AP3S1: variants seen among roughly 807,000 people sequenced by gnomAD.
AP3S1 encodes the protein AP-3 complex subunit sigma-1.
AP3S1 carries 12 observed loss-of-function variants against 21.3 expected under a neutral mutation model. The observed-to-expected ratio is 0.56, with a 90% confidence interval of 0.36 to 0.91. The LOEUF is 0.91. Among genes scored for constraint, AP3S1 ranks in the 40% least tolerant of loss-of-function variants. The pLI is 0.01. For synonymous variants in AP3S1, 48 were observed against 78.4 expected (o/e 0.61, Z 2.05); for missense variants, 116 against 225.0 (o/e 0.52, Z 3.10).
At chr5:115,853,640 T>C (rs1762601203) in intron 1 of AP3S1, among the ~76,000 whole-genome samples, 1 of 152,178 alleles carries the variant, frequency 6.6e-6, no homozygotes, top group African/African-American at 2.4e-5. Context: ...GTTTTGTGTA[T>C]GGTGTGAGGT....
intron 3 of AP3S1, among the ~76,000 whole-genome samples, chr5:115,877,336 T>C (rs897011392): frequency 4.6e-5 from 7 of 152,174 alleles, no homozygotes; most frequent in Admixed American, 1.3e-4. Flanking sequence ...TATCTTCTAA[T>C]GCTATCCCTC....
chr5:115,883,622 A>G (rs1244582627), intron 3 of AP3S1, among the ~76,000 whole-genome samples: 2 of 151,948 alleles, frequency 1.3e-5, no homozygotes, highest in African/African-American at 4.8e-5. Context: ...TCTCGCTGGG[A>G]GCTGCAGACT....
chr5:115,854,273 CA>C (rs1359663323), intron 1 of AP3S1, among the ~76,000 whole-genome samples: 38 of 152,224 alleles, frequency 2.5e-4, no homozygotes, highest in African/African-American at 9.1e-4. Context: ...ACATTCAAAC[CA>C]AAGCAGAATG....
chr5:115,854,254 T>C (rs903518723), intron 1 of AP3S1, among the ~76,000 whole-genome samples: 3 of 152,148 alleles, frequency 2.0e-5, no homozygotes, highest in African/African-American at 7.2e-5. Flanking sequence ...CACATGAACT[T>C]TGGGGGAGAC....
intron 5 of AP3S1, among the ~76,000 whole-genome samples, chr5:115,911,906 T>C (rs1389096868): frequency 1.3e-5 from 2 of 151,974 alleles, no homozygotes; most frequent in Non-Finnish European, 2.9e-5. Context: ...ATAAAACTTC[T>C]CCAGCCCTAT....
intron 1 of AP3S1, among the ~76,000 whole-genome samples, chr5:115,851,208 C>T (rs1218831900): frequency 1.3e-5 from 2 of 152,158 alleles, no homozygotes; most frequent in Non-Finnish European, 2.9e-5. Flanking sequence ...TTCTTGATGC[C>T]GTATTTTGTT....
intron 5 of AP3S1, among the ~76,000 whole-genome samples, chr5:115,907,567 A>T (rs542422819): frequency 1.3e-5 from 2 of 152,306 alleles, no homozygotes; most frequent in Admixed American, 1.3e-4. Flanking sequence ...GAATTACCAA[A>T]TTACCAAATC....
intron 3 of AP3S1, among the ~76,000 whole-genome samples, chr5:115,877,003 T>G (rs758022406): frequency 1.4e-4 from 21 of 152,164 alleles, no homozygotes; most frequent in Non-Finnish European, 2.6e-4. Context: ...ATGGGGAATA[T>G]TTGAGACTAT....
chr5:115,892,695 G>A (rs1013012609), intron 3 of AP3S1, among the ~76,000 whole-genome samples: 1 of 152,148 alleles, frequency 6.6e-6, no homozygotes, highest in Non-Finnish European at 1.5e-5. Flanking sequence ...GAAGATGGTT[G>A]TGGAGATGGT....
intron 1 of AP3S1, among the ~76,000 whole-genome samples, chr5:115,859,020 A>C (rs10050876): frequency 0.43 from 65,988 of 151,786 alleles, 14,667 homozygotes; most frequent in African/African-American, 0.5. Flanking sequence ...TAGGTATACA[A>C]GTGCCATGGT....
At chr5:115,845,178 G>A (rs2112760870) in intron 1 of AP3S1, among the ~76,000 whole-genome samples, 1 of 152,216 alleles carries the variant, frequency 6.6e-6, no homozygotes, top group East Asian at 1.9e-4. Context: ...TAAAAATATT[G>A]AGTTTAATTT....
intron 1 of AP3S1, among the ~76,000 whole-genome samples, chr5:115,848,751 G>T (rs1275738398): frequency 6.6e-6 from 1 of 152,122 alleles, no homozygotes; most frequent in Non-Finnish European, 1.5e-5. Flanking sequence ...CCAACTTCTT[G>T]TTGTATAAAA....
intron 3 of AP3S1, among the ~76,000 whole-genome samples, chr5:115,876,110 A>C (rs1445480196): frequency 6.6e-6 from 1 of 152,188 alleles, no homozygotes; most frequent in Non-Finnish European, 1.5e-5. Flanking sequence ...TGGCTCTGTC[A>C]CATAACAGTT....
At chr5:115,897,370 T>G (rs1056024005) in intron 4 of AP3S1, among the ~76,000 whole-genome samples, 3 of 152,166 alleles carry the variant, frequency 2.0e-5, no homozygotes, top group African/African-American at 7.2e-5. Flanking sequence ...GAGACAAAAG[T>G]TTTAGGATAC....
chr5:115,888,191 A>G (rs542122305), intron 3 of AP3S1, among the ~76,000 whole-genome samples: 4 of 152,082 alleles, frequency 2.6e-5, no homozygotes, highest in Non-Finnish European at 5.9e-5. Context: ...TAAACTTTAT[A>G]TCATTTTAAA....
At chr5:115,884,656 T>C (rs1351949557) in intron 3 of AP3S1, among the ~76,000 whole-genome samples, 2 of 152,256 alleles carry the variant, frequency 1.3e-5, no homozygotes, top group East Asian at 1.9e-4. Flanking sequence ...CTGTTAAGTA[T>C]TCTTACAATA....
intron 1 of AP3S1, among the ~76,000 whole-genome samples, chr5:115,859,224 A>C (rs190308163): frequency 6.6e-6 from 1 of 151,910 alleles, no homozygotes; most frequent in Non-Finnish European, 1.5e-5. Context: ...TGTGACTACA[A>C]CTCCCCAAAT....
In AP3S1 at chr5:115,870,142, T is replaced by C. The variant is rs768946863; in HGVS notation, c.273+14T>C. On this transcript the variant is annotated intron_variant, in intron 3 of 5. Coordinates refer to ENST00000316788, the MANE Select transcript of AP3S1 (RefSeq NM_001284.4). ...GATCTAATTCAAGTAAGTTAACACTTGCTTCTTACTATCTTAAATAACAGT... is the reference window on the plus strand; with the variant it reads ...GATCTAATTCAAGTAAGTTAACACTCGCTTCTTACTATCTTAAATAACAGT... 36 of 837,828 alleles carry C rather than the reference T, an allele frequency of 4.3e-5. No individual in the cohort carries two copies. The African/African-American group carries it at 5.8e-4, about 14-fold the overall frequency. 51.9% of individuals were successfully genotyped at this position (837,828 alleles called of 1,614,324 possible). A position where few individuals can be genotyped will look rare whatever the true frequency, so the allele number is the denominator to read the frequency against.
chr5:115,849,211 A>C (rs1762268509), intron 1 of AP3S1, among the ~76,000 whole-genome samples: 1 of 152,192 alleles, frequency 6.6e-6, no homozygotes, highest in Non-Finnish European at 1.5e-5. Flanking sequence ...TAGGCAGTAA[A>C]TTATTTAAGA....
Sources: allele counts gnomAD v4.1 joint callset (sites outside exome capture counted in the v4.1 genomes callset), GRCh38; gene constraint gnomAD v4.1.1; transcripts MANE v1.5; gene names NCBI Gene and HGNC (gene_info 2026-07-23, HGNC 2026-07-21).